GRID1: variants seen among roughly 807,000 people sequenced by gnomAD.
GRID1 encodes the protein glutamate receptor ionotropic, delta-1.
GRID1 carries 28 observed loss-of-function variants against 98.0 expected under a neutral mutation model. The ratio of observed to expected loss-of-function variants is 0.29; its 90% CI spans 0.21 to 0.39. The LOEUF (loss-of-function observed/expected upper bound fraction) is 0.39, where lower values mean the gene tolerates loss of function less well. Ranked by LOEUF, GRID1 falls within the 10% of genes least tolerant of loss-of-function variation. The pLI, the probability that GRID1 is intolerant of heterozygous loss-of-function variation, is 1.00. For synonymous variants in GRID1, 553 were observed against 538.5 expected (o/e 1.03, Z -0.37); for missense variants, 1,111 against 1,340.5 (o/e 0.83, Z 2.67).
intron 9 of GRID1, 24 bp downstream of exon 9, chr10:85,729,489 C>T (rs753952566): frequency 7.1e-7 from 1 of 1,413,730 alleles, no homozygotes; most frequent in Non-Finnish European, 1.0e-6. Flanking sequence ...GTAGCTCGCT[C>T]CCAGAATGTC....
Position 85,599,919 on chromosome 10 carries a change from TCACACA to T in GRID1, c.*2348_*2353del, listed in dbSNP as rs367915080. The stretch of plus-strand genomic sequence containing the variant: ...GTCTCTCTCTCTCTCTCTCTCTCTC[TCACACA>T]CACACACACACACAAACACACACAC... On this transcript the variant is annotated 3_prime_UTR_variant, in exon 16 of 16. Coordinates refer to ENST00000327946, the MANE Select transcript of GRID1 (RefSeq NM_017551.3). The T allele has an allele frequency of 7.6e-6, 1 of 131,480 alleles. No individual in the cohort carries two copies. Among genetic ancestry groups the T allele is most frequent in the Non-Finnish European group, 1.6e-5 (1 of 63,776 alleles). The allele number at this position is 131,480 out of a possible 1,614,324, so 8.1% of individuals were successfully genotyped here. A position where few individuals can be genotyped will look rare whatever the true frequency, so the allele number is the denominator to read the frequency against.
At chr10:85,720,815 AGACTT>A (rs1405647966) in intron 12 of GRID1, among the ~76,000 whole-genome samples, 2 of 152,204 alleles carry the variant, frequency 1.3e-5, no homozygotes, top group Admixed American at 6.5e-5. Context: ...GGCTAGGAAA[AGACTT>A]GACATCAAAA....
At chr10:86,358,814 T>C (rs1429334101) in intron 2 of GRID1, among the ~76,000 whole-genome samples, 1 of 151,100 alleles carries the variant, frequency 6.6e-6, no homozygotes, top group Non-Finnish European at 1.5e-5. Flanking sequence ...ATGGGCCCAA[T>C]ATAACCACAA....
chr10:85,882,888 A>G (rs182011488), intron 5 of GRID1, among the ~76,000 whole-genome samples: 1 of 152,186 alleles, frequency 6.6e-6, no homozygotes, highest in Admixed American at 6.5e-5. Flanking sequence ...CTACAGTAGC[A>G]TGTTATGCTA....
intron 13 of GRID1, among the ~76,000 whole-genome samples, chr10:85,627,979 G>A (rs1316005645): frequency 6.6e-6 from 1 of 152,108 alleles, no homozygotes; most frequent in African/African-American, 2.4e-5. Flanking sequence ...AGTAAGCAGT[G>A]TGTGTGCATG....
intron 8 of GRID1, among the ~76,000 whole-genome samples, chr10:85,825,683 T>C (rs2131756146): frequency 6.6e-6 from 1 of 152,190 alleles, no homozygotes; most frequent in African/African-American, 2.4e-5. Context: ...AACAAGTTAA[T>C]ACAGGGGGCA....
At chr10:85,854,750 G>C (rs536432278) in intron 7 of GRID1, 135 bp from the exon 8 acceptor site, 2 of 766,110 alleles carry the variant, frequency 2.6e-6, no homozygotes, top group South Asian at 3.4e-5. Flanking sequence ...GCTGTAATGA[G>C]GACAAGATGG....
At chr10:85,984,875 TCTGA>T (rs3057932) in intron 4 of GRID1, among the ~76,000 whole-genome samples, 50,060 of 151,642 alleles carry the variant, frequency 0.33, 9,010 homozygotes, top group South Asian at 0.5. Flanking sequence ...CTCTTAACAC[TCTGA>T]CTCTTAATTC....
intron 5 of GRID1, among the ~76,000 whole-genome samples, chr10:85,901,291 G>A (rs1380120813): frequency 1.3e-5 from 2 of 150,688 alleles, no homozygotes; most frequent in African/African-American, 2.5e-5. Context: ...TGTCGCCCAG[G>A]CTGGAGTGCA....
At chr10:86,319,211 C>T (rs1847937178) in intron 2 of GRID1, among the ~76,000 whole-genome samples, 2 of 152,108 alleles carry the variant, frequency 1.3e-5, no homozygotes, top group East Asian at 3.8e-4. Context: ...TCATGAGGGT[C>T]TCTTGGGCTT....
intron 8 of GRID1, among the ~76,000 whole-genome samples, chr10:85,743,116 C>CCA (rs1554828608): frequency 1.5e-5 from 2 of 134,640 alleles, no homozygotes; most frequent in African/African-American, 5.6e-5. Flanking sequence ...CCCCCCCCCC[C>CCA]ACCACCCATT....
At chr10:86,044,855 A>G (rs148950002) in intron 4 of GRID1, among the ~76,000 whole-genome samples, 1 of 152,322 alleles carries the variant, frequency 6.6e-6, no homozygotes, top group Non-Finnish European at 1.5e-5. Flanking sequence ...TTCTGTGTAG[A>G]CTGCCGAACT....
chr10:86,033,158 G>A (rs1843210621), intron 4 of GRID1, among the ~76,000 whole-genome samples: 1 of 151,804 alleles, frequency 6.6e-6, no homozygotes, highest in Non-Finnish European at 1.5e-5. Context: ...TGCCTCTTTG[G>A]GCCACATTCT....
At chr10:85,794,293 G>T (rs749410963) in intron 8 of GRID1, among the ~76,000 whole-genome samples, 1 of 152,138 alleles carries the variant, frequency 6.6e-6, no homozygotes, top group Non-Finnish European at 1.5e-5. Context: ...TCATTTATAT[G>T]ATTTATAACA....
chr10:85,752,960 A>G (rs537888447), intron 8 of GRID1, among the ~76,000 whole-genome samples: 24 of 152,350 alleles, frequency 1.6e-4, no homozygotes, highest in African/African-American at 5.8e-4. Context: ...AACTTAGGGC[A>G]TTCTGGCAAA....
chr10:86,202,297 G>A (rs1296264931), intron 3 of GRID1, among the ~76,000 whole-genome samples: 3 of 152,226 alleles, frequency 2.0e-5, no homozygotes, highest in Non-Finnish European at 2.9e-5. Context: ...CCTGGCATGC[G>A]GTAGGGATTC....
At chr10:86,264,989 G>A (rs971327135) in intron 2 of GRID1, among the ~76,000 whole-genome samples, 6 of 152,202 alleles carry the variant, frequency 3.9e-5, no homozygotes, top group Non-Finnish European at 5.9e-5. Context: ...AGCTGCACTT[G>A]CCCAGCCTTT....
chr10:85,928,592 C>G (rs942056649), intron 4 of GRID1, among the ~76,000 whole-genome samples: 3 of 152,248 alleles, frequency 2.0e-5, no homozygotes, highest in Admixed American at 6.5e-5. Flanking sequence ...ACGACTGATT[C>G]ACTATTGCGG....
intron 4 of GRID1, among the ~76,000 whole-genome samples, chr10:86,030,977 T>C (rs1843178259): frequency 6.6e-6 from 1 of 152,128 alleles, no homozygotes; most frequent in Non-Finnish European, 1.5e-5. Flanking sequence ...GTGCACTATG[T>C]AAACATCATA....
Sources: gnomAD v4.1 joint callset for allele counts (sites outside exome capture counted in the v4.1 genomes callset) on GRCh38, gnomAD v4.1.1 for gene constraint, MANE v1.5 for transcripts, NCBI Gene and HGNC (gene_info 2026-07-23, HGNC 2026-07-21) for gene names.